The following SLC5A4 variants were observed in gnomAD, a reference collection of about 807,000 sequenced individuals.
The protein encoded by SLC5A4 is probable glucose sensor protein SLC5A4.
In SLC5A4, 55 loss-of-function variants were observed where a neutral mutation model predicts 70.3. The observed-to-expected ratio is 0.78, with a 90% confidence interval of 0.63 to 0.98. The LOEUF is 0.98. SLC5A4 is among the 50% of genes least tolerant of loss of function. SLC5A4 has a pLI of 0.00. For missense variants in SLC5A4, 735 were observed against 839.2 expected (o/e 0.88, Z 1.53); for synonymous variants, 268 against 305.7 (o/e 0.88, Z 1.29).
At chr22:32,332,983 C>T in the SLC5A4 span, among the ~76,000 whole-genome samples, 1 of 152,204 alleles carries the variant, frequency 6.6e-6, no homozygotes, top group Non-Finnish European at 1.5e-5. Flanking sequence ...ATTCTTACCC[C>T]TGATCAGCAT....
chr22:32,330,887 T>G, the SLC5A4 span, among the ~76,000 whole-genome samples: 1 of 113,960 alleles, frequency 8.8e-6, no homozygotes, highest in African/African-American at 3.4e-5. Flanking sequence ...TGTGTAGGAG[T>G]GTTGGGGGCT....
chr22:32,320,459 C>T, the SLC5A4 span, among the ~76,000 whole-genome samples: 1 of 152,338 alleles, frequency 6.6e-6, no homozygotes, highest in African/African-American at 2.4e-5. Context: ...TCAGTGAAGT[C>T]TCCATCAGCA....
chr22:32,310,793 G>C, the SLC5A4 span, among the ~76,000 whole-genome samples: 1 of 152,234 alleles, frequency 6.6e-6, no homozygotes, highest in South Asian at 2.1e-4. Context: ...GCTGTTGAGA[G>C]GATGAAGAGC....
chr22:32,271,052 T>G, the SLC5A4 span: 1 of 567,724 alleles, frequency 1.8e-6, no homozygotes, highest in East Asian at 3.6e-5. Flanking sequence ...GTGTGGGGAT[T>G]TGGGATCCCT....
At chr22:32,342,138 G>GA in the SLC5A4 span, among the ~76,000 whole-genome samples, 1 of 152,176 alleles carries the variant, frequency 6.6e-6, no homozygotes, top group Admixed American at 6.5e-5. Context: ...AAATAAAACT[G>GA]AAAATGGCTA....
At chr22:32,278,450 A>G in the SLC5A4 span, among the ~76,000 whole-genome samples, 3 of 152,260 alleles carry the variant, frequency 2.0e-5, no homozygotes, top group East Asian at 3.8e-4. Flanking sequence ...TTAATAGAAT[A>G]TATCCCTGTC....
chr22:32,305,336 C>A, the SLC5A4 span, among the ~76,000 whole-genome samples: 2 of 130,460 alleles, frequency 1.5e-5, no homozygotes, highest in Non-Finnish European at 1.6e-5. Flanking sequence ...TCTCCTAATC[C>A]TTGTGCCTCT....
the SLC5A4 span, among the ~76,000 whole-genome samples, chr22:32,299,135 G>C: frequency 1.1e-5 from 1 of 89,134 alleles, no homozygotes; most frequent in African/African-American, 4.3e-5. Context: ...TATGTGTCTT[G>C]GAGTTGCTCT....
intron 2 of SLC5A4, among the ~76,000 whole-genome samples, chr22:32,253,521 T>C (rs1216639123): frequency 3.3e-5 from 5 of 152,206 alleles, no homozygotes; most frequent in Admixed American, 3.3e-4. Context: ...AGCTCAGGAC[T>C]GGCAACAAAG....
the SLC5A4 span, among the ~76,000 whole-genome samples, chr22:32,324,278 T>C: frequency 1.5e-4 from 23 of 151,656 alleles, no homozygotes; most frequent in Non-Finnish European, 2.6e-4. Flanking sequence ...TATATATATA[T>C]ACACACATAT....
the SLC5A4 span, among the ~76,000 whole-genome samples, chr22:32,335,654 A>G: frequency 6.6e-6 from 1 of 152,202 alleles, no homozygotes; most frequent in African/African-American, 2.4e-5. Context: ...AGTCCGGTCC[A>G]AGCCCAGCCC....
chr22:32,263,215 C>T, the SLC5A4 span, among the ~76,000 whole-genome samples: 9 of 151,984 alleles, frequency 5.9e-5, no homozygotes, highest in Non-Finnish European at 4.4e-5. Flanking sequence ...CACCATGTTG[C>T]GCAGGCTGGT....
the SLC5A4 span, among the ~76,000 whole-genome samples, chr22:32,261,328 C>T: frequency 6.6e-6 from 1 of 152,250 alleles, no homozygotes; most frequent in Non-Finnish European, 1.5e-5. Context: ...GTCTATCCTC[C>T]TGCCCCCTTC....
the SLC5A4 span, among the ~76,000 whole-genome samples, chr22:32,309,946 T>C: frequency 7.3e-5 from 11 of 151,582 alleles, no homozygotes; most frequent in Middle Eastern, 3.2e-3. Context: ...CCACAGAATG[T>C]TCCAGTCCTC....
chr22:32,268,975 A>G, the SLC5A4 span, among the ~76,000 whole-genome samples: 1 of 150,728 alleles, frequency 6.6e-6, no homozygotes, highest in Admixed American at 6.6e-5. Context: ...GGCTTACTGC[A>G]CGCTCTGCCT....
At chr22:32,259,154 C>A (rs1927627088), upstream of SLC5A4, among the ~76,000 whole-genome samples, 1 of 152,200 alleles carries the variant, frequency 6.6e-6, no homozygotes, top group African/African-American at 2.4e-5. Flanking sequence ...TGCTGTACAC[C>A]ATTGTACCTA....
chr22:32,353,559 G>A, the SLC5A4 span, among the ~76,000 whole-genome samples: 7 of 151,994 alleles, frequency 4.6e-5, no homozygotes, highest in Non-Finnish European at 1.5e-5. Context: ...ACCCGTCACT[G>A]ACACCACCAG....
At chr22:32,341,184 AG>A in the SLC5A4 span, among the ~76,000 whole-genome samples, 1 of 151,828 alleles carries the variant, frequency 6.6e-6, no homozygotes, top group Non-Finnish European at 1.5e-5. Context: ...GAGAGAGACC[AG>A]GGGAGAAAGA....
At chr22:32,337,168 C>CAAGAGG in the SLC5A4 span, among the ~76,000 whole-genome samples, 1 of 152,190 alleles carries the variant, frequency 6.6e-6, no homozygotes, top group Admixed American at 6.5e-5. Flanking sequence ...CCTCCCAGGA[C>CAAGAGG]CACCTTGCCT....
Sources: gnomAD v4.1 joint callset for allele counts (sites outside exome capture counted in the v4.1 genomes callset) on GRCh38, gnomAD v4.1.1 for gene constraint, MANE v1.5 for transcripts, NCBI Gene and HGNC (gene_info 2026-07-23, HGNC 2026-07-21) for gene names.